The following DAGLA variants were observed in gnomAD, a reference collection of about 807,000 sequenced individuals.
DAGLA encodes diacylglycerol lipase-alpha.
Under a neutral mutation model 102.6 loss-of-function variants are expected in DAGLA, and 22 were observed. That is an observed-to-expected ratio of 0.21 (90% CI 0.15 to 0.31). The LOEUF (loss-of-function observed/expected upper bound fraction) is 0.31. DAGLA is among the 10% of genes least tolerant of loss of function. DAGLA has a pLI of 1.00. For synonymous variants in DAGLA, 578 were observed against 628.9 expected, an observed-to-expected ratio of 0.92 and a Z score of 1.21; for missense variants, 927 against 1,446.6, an observed-to-expected ratio of 0.64 and a Z score of 5.83.
intron 1 of DAGLA, among the ~76,000 whole-genome samples, chr11:61,717,952 G>A (rs1487719533): frequency 2.6e-5 from 4 of 152,188 alleles, no homozygotes; most frequent in Admixed American, 6.5e-5. Flanking sequence ...TGAAGCGAGC[G>A]GGCATTGTTC....
chr11:61,683,838 C>G (rs779147249), intron 1 of DAGLA, among the ~76,000 whole-genome samples: 2 of 152,164 alleles, frequency 1.3e-5, no homozygotes, highest in Non-Finnish European at 2.9e-5. Flanking sequence ...GAGTAAGTTC[C>G]AGCTGAGGCA....
At chr11:61,719,306 G>A (rs542009153) in intron 1 of DAGLA, among the ~76,000 whole-genome samples, 1 of 152,200 alleles carries the variant, frequency 6.6e-6, no homozygotes, top group Non-Finnish European at 1.5e-5. Flanking sequence ...GGCTTGGGAG[G>A]TATGGTTGCC....
At chr11:61,692,607 C>A (rs537893317) in intron 1 of DAGLA, among the ~76,000 whole-genome samples, 1 of 152,200 alleles carries the variant, frequency 6.6e-6, no homozygotes, top group East Asian at 1.9e-4. Context: ...TAAACCTTTG[C>A]ATCTGCCAGG....
intron 1 of DAGLA, among the ~76,000 whole-genome samples, chr11:61,691,320 G>A (rs1292021798): frequency 6.6e-6 from 1 of 152,236 alleles, no homozygotes; most frequent in East Asian, 1.9e-4. Context: ...CTCTGAAATT[G>A]TAATTGGAAA....
chr11:61,743,412 A>G (rs2065499461), intron 19 of DAGLA, 120 bp from the exon 20 acceptor site: 1 of 714,798 alleles, frequency 1.4e-6, no homozygotes, highest in East Asian at 2.7e-5. Context: ...GCACATCATC[A>G]ACAACTGCTA....
At chr11:61,731,136 C>G (rs779964770) in intron 8 of DAGLA, among the ~76,000 whole-genome samples, 181 bp from the exon 9 acceptor site, 2 of 152,198 alleles carry the variant, frequency 1.3e-5, no homozygotes, top group Non-Finnish European at 2.9e-5. Context: ...TAGGGAAATG[C>G]AATTATCACC....
intron 1 of DAGLA, among the ~76,000 whole-genome samples, chr11:61,698,673 C>A (rs1270913589): frequency 1.3e-5 from 2 of 152,206 alleles, no homozygotes; most frequent in Non-Finnish European, 2.9e-5. Flanking sequence ...CTGAGAGGAG[C>A]AAGGGAGCTG....
Position 61,744,083 on chromosome 11 carries a change from C to T in DAGLA, c.2723C>T (p.Pro908Leu). The change falls in exon 20 of 20, where the codon CCT becomes CTT. Residue 908 changes from proline to leucine, a missense_variant. Physicochemically the swap from Pro to Leu is moderately conservative, Grantham distance 98. This residue lies in a region of DAGLA where 434 missense variants were observed against 503.3 expected (regional missense o/e 0.86). Transcript: ENST00000257215. Reference protein sequence around the residue: ...HNGRLGDSPSPQVLEFAEFID... With the variant: ...HNGRLGDSPSLQVLEFAEFID... ...GGGCGCCTGGGGGACTCGCCCAGTC[C>T]TCAGGTGCTGGAATTCGCCGAGTTC... 4 of 1,612,918 alleles carry T rather than the reference C, an allele frequency of 2.5e-6. No homozygotes were observed. The highest frequency in any genetic ancestry group is 3.4e-6 in the Non-Finnish European group (4 of 1,179,978).
chr11:61,740,366 C>T, intron 17 of DAGLA, 97 bp from the exon 18 acceptor site: 1 of 1,492,626 alleles, frequency 6.7e-7, no homozygotes, highest in Non-Finnish European at 9.0e-7. Flanking sequence ...CATGCCAGCT[C>T]TGCTGAGCAG....
At position 61,744,894 on chromosome 11, in the gene DAGLA, CAT is replaced by C. The variant is rs954605899; in HGVS notation, c.*406_*407del. 1.0e-4 allele frequency: 20 copies of C among 192,602 alleles called. No homozygotes were observed. The highest frequency in any genetic ancestry group is 4.0e-4 in the East Asian group (3 of 7,466). The allele number at this position is 192,602 out of a possible 1,614,324, so 11.9% of individuals were successfully genotyped here. A position where few individuals can be genotyped will look rare whatever the true frequency, so the allele number is the denominator to read the frequency against. ...AGGTGGAGAGCAGTGCCCCCCGACA[CAT>C]GTATTCTCATCTGTGGTCCAGGCCG... On this transcript the variant is annotated 3_prime_UTR_variant, in exon 20 of 20. Transcript: ENST00000257215.
chr11:61,705,184 A>G lies in DAGLA; in HGVS notation c.-44-14928A>G, dbSNP rs1015685540. Among the ~76,000 whole-genome samples the G allele has an allele frequency of 4.6e-5, 7 of 152,284 alleles. 1 individual carries two copies. The South Asian group carries it at 1.5e-3, about 32-fold the overall frequency. On this transcript the variant is annotated intron_variant, in intron 1 of 19. Transcript: ENST00000257215. ...GATCCAGTGCCCCCTCTGCCCGCCC[A>G]ATTGCACGGGCCAGACAGCTGGGGT...
rs780541965 is a variant in DAGLA at position 61,726,030 on chromosome 11, C to T, written c.584C>T (p.Ser195Leu). The T allele has an allele frequency of 6.2e-6, 10 of 1,613,396 alleles. No homozygotes were observed. Among genetic ancestry groups the T allele is most frequent in the Admixed American group, 5.0e-5 (3 of 60,014 alleles). Residue 195 changes from serine (S) to leucine (L), a missense_variant, in exon 6 of 20, where the codon TCG becomes TTG. Around this residue, in one of 4 missense-constraint regions of DAGLA, gnomAD observed 231 missense variants for 439.8 expected, o/e 0.53. Coordinates refer to ENST00000257215, the MANE Select transcript of DAGLA (RefSeq NM_006133.3). The part of the protein sequence containing the change: ...RLEEGQATSW[S>L]RRLKVFLCCT... Reference sequence around the variant, plus strand: ...GAGGAGGGTCAAGCCACCAGCTGGTCGCGCCGGCTCAAAGTGTTCCTCTGC... The same window carrying T: ...GAGGAGGGTCAAGCCACCAGCTGGTTGCGCCGGCTCAAAGTGTTCCTCTGC...
At chr11:61,711,305 C>G (rs1370253645) in intron 1 of DAGLA, among the ~76,000 whole-genome samples, 1 of 152,220 alleles carries the variant, frequency 6.6e-6, no homozygotes, top group African/African-American at 2.4e-5. Flanking sequence ...ACCCGCCTGT[C>G]TGGGCCTCTC....
At position 61,745,091 on chromosome 11, in the gene DAGLA, C is replaced by G. The variant is rs1331235397; in HGVS notation, c.*602C>G. On this transcript the variant is annotated 3_prime_UTR_variant, in exon 20 of 20. Coordinates refer to ENST00000257215, the MANE Select transcript of DAGLA (RefSeq NM_006133.3). ...CCCAATCATGTGTTCAGTAGCCGTC[C>G]TCTGAGCAGGGCCCAAGGCAGCCAG... is the stretch of plus-strand genomic sequence containing the variant. 6.5e-6 allele frequency: 1 copy of G among 154,040 alleles called. No homozygotes were observed. Among genetic ancestry groups the G allele is most frequent in the Non-Finnish European group, 1.4e-5 (1 of 69,206 alleles). The allele number at this position is 154,040 out of a possible 1,614,324, so 9.5% of individuals were successfully genotyped here.
intron 1 of DAGLA, among the ~76,000 whole-genome samples, chr11:61,706,350 G>T (rs1354302997): frequency 6.6e-6 from 1 of 152,322 alleles, no homozygotes; most frequent in Non-Finnish European, 1.5e-5. Context: ...TGTCTCTTTC[G>T]GGTCTTGGGC....
Position 61,744,323 on chromosome 11 carries a change from T to TCTCGCC in DAGLA, c.2967_2972dup (p.Pro990_Ser991dup). On this transcript the variant is annotated inframe_insertion, in exon 20 of 20. Transcript: ENST00000257215. Reference sequence around the variant, plus strand: ...GCCGACCCCTCCTCGGGCATCTCACTCTCGCCCTCCTTCCCGCTCAGCTCC... The same window carrying TCTCGCC: ...GCCGACCCCTCCTCGGGCATCTCACTCTCGCCCTCGCCCTCCTTCCCGCTCAGCTCC... 6.2e-7 allele frequency: 1 copy of TCTCGCC among 1,612,494 alleles called. No individual in the cohort carries two copies. Among genetic ancestry groups the TCTCGCC allele is most frequent in the Non-Finnish European group, 8.5e-7 (1 of 1,179,674 alleles).
At chr11:61,712,039 GAACT>G (rs2065198471) in intron 1 of DAGLA, among the ~76,000 whole-genome samples, 1 of 152,184 alleles carries the variant, frequency 6.6e-6, no homozygotes, top group Admixed American at 6.5e-5. Flanking sequence ...GTAATTGTTG[GAACT>G]ATTTCTGGGT....
intron 1 of DAGLA, among the ~76,000 whole-genome samples, chr11:61,719,152 G>A (rs1185844631): frequency 6.6e-6 from 1 of 152,208 alleles, no homozygotes; most frequent in Non-Finnish European, 1.5e-5. Flanking sequence ...TCCCACCCAT[G>A]CTGCTTCCTT....
intron 1 of DAGLA, among the ~76,000 whole-genome samples, chr11:61,685,847 G>A (rs2064982390): frequency 6.6e-6 from 1 of 152,076 alleles, no homozygotes; most frequent in South Asian, 2.1e-4. Flanking sequence ...GCTGGGAGGG[G>A]AAACTGCTGC....
Sources: gnomAD v4.1 joint callset for allele counts (sites outside exome capture counted in the v4.1 genomes callset) on GRCh38, gnomAD v4.1.1 for gene constraint, gnomAD v4.1.1 regional missense constraint, MANE v1.5 for transcripts, NCBI Gene and HGNC (gene_info 2026-07-23, HGNC 2026-07-21) for gene names.